Variants in ACSM2A observed in about 807,000 individuals in gnomAD.
The protein encoded by ACSM2A is acyl-coenzyme A synthetase ACSM2A, mitochondrial.
ACSM2A carries 72 observed loss-of-function variants against 76.6 expected under a neutral mutation model. The observed-to-expected ratio is 0.94, with a 90% confidence interval of 0.78 to 1.14. The LOEUF is 1.14. ACSM2A is among the 50% of genes most tolerant of loss of function. ACSM2A has a pLI of 0.00. For missense variants in ACSM2A, 684 were observed against 708.5 expected, an observed-to-expected ratio of 0.97 and a Z score of 0.39; for synonymous variants, 249 against 255.9, an observed-to-expected ratio of 0.97 and a Z score of 0.26.
rs973719188 is a variant in ACSM2A at position 20,487,625 on chromosome 16, A to G, written c.*947A>G. 11 of 152,346 alleles carry G rather than the reference A, an allele frequency of 7.2e-5. No homozygotes were observed. The highest frequency in any genetic ancestry group is 2.2e-4 in the African/African-American group (9 of 41,578). 9.4% of individuals were successfully genotyped at this position (152,346 alleles called of 1,614,324 possible). On this transcript the variant is annotated 3_prime_UTR_variant, in exon 14 of 14. Transcript: ENST00000573854. ...ACCCATATCTCATGTTTTTGATGTTATCTACTCTTCCTAGAATCAAATATT... is the reference window on the plus strand; with the variant it reads ...ACCCATATCTCATGTTTTTGATGTTGTCTACTCTTCCTAGAATCAAATATT...
At chr16:20,453,921 T>G (rs2011948997) in intron 1 of ACSM2A, 1 of 126,154 alleles carries the variant, frequency 7.9e-6, no homozygotes, top group Admixed American at 7.8e-5. Flanking sequence ...AGAGTGGTTC[T>G]CTGTTCTCAA....
chr16:20,476,271 T>G (rs1311082410), intron 8 of ACSM2A: 1 of 987,528 alleles, frequency 1.0e-6, no homozygotes, highest in East Asian at 1.1e-4. Context: ...TGAGGTCTCA[T>G]GTGCACAATG....
intron 3 of ACSM2A, among the ~76,000 whole-genome samples, chr16:20,469,216 G>A (rs1287097206): frequency 6.6e-6 from 1 of 152,078 alleles, no homozygotes; most frequent in Non-Finnish European, 1.5e-5. Context: ...TTTTTTTTGA[G>A]GGGTGAGAGT....
rs575920600 is a variant in ACSM2A at position 20,480,698 on chromosome 16, C to T, written c.1407C>T (p.Ser469=). The part of the protein sequence containing the change: ...MGRANDIINS[S]GYRIGPSEVE... ...GGGCAAATGATATCATTAACTCCAG[C>T]GGGTGAGCTTGGTTTCTGGGTTGGG... The change falls in exon 11 of 14, where the codon AGC becomes AGT. Residue 469 remains serine, a splice_region_variant and synonymous_variant. Transcript: ENST00000573854. The T allele has an allele frequency of 4.1e-5, 64 of 1,564,844 alleles. No individual in the cohort carries two copies. In the Middle Eastern group the frequency reaches 6.9e-4, roughly 17 times the overall value.
chr16:20,471,448 C>T, intron 5 of ACSM2A, 88 bp from the exon 6 acceptor site: 2 of 1,520,756 alleles, frequency 1.3e-6, no homozygotes, highest in South Asian at 2.6e-5. Context: ...TGCACACACA[C>T]CTCCCTTTCC....
At chr16:20,473,220 C>A (rs1384972576) in intron 6 of ACSM2A, among the ~76,000 whole-genome samples, 1 of 152,136 alleles carries the variant, frequency 6.6e-6, no homozygotes, top group East Asian at 1.9e-4. Flanking sequence ...CAGGTGTGAT[C>A]TGGATTTTCA....
intron 2 of ACSM2A, 27 bp downstream of exon 2, chr16:20,460,318 G>A (rs755647529): frequency 2.9e-5 from 46 of 1,612,406 alleles, no homozygotes; most frequent in Non-Finnish European, 2.2e-5. Flanking sequence ...GAGGCACAGA[G>A]TGAGACAATT....
At chr16:20,452,849 A>T (rs887264924) in intron 1 of ACSM2A, among the ~76,000 whole-genome samples, 3 of 151,822 alleles carry the variant, frequency 2.0e-5, no homozygotes, top group Non-Finnish European at 4.4e-5. Flanking sequence ...TATACAAAAT[A>T]AATGCATTTG....
intron 13 of ACSM2A, among the ~76,000 whole-genome samples, chr16:20,483,848 C>G (rs1323320101): frequency 6.6e-6 from 1 of 152,060 alleles, no homozygotes; most frequent in Non-Finnish European, 1.5e-5. Flanking sequence ...TTGAAAAGTC[C>G]AGGGGTGGGG....
At chr16:20,475,887 A>T in intron 8 of ACSM2A, 114 bp downstream of exon 8, 1 of 1,547,570 alleles carries the variant, frequency 6.5e-7, no homozygotes, top group South Asian at 1.3e-5. Context: ...AGAAGTATTT[A>T]TTGAGCCTCT....
intron 1 of ACSM2A, among the ~76,000 whole-genome samples, chr16:20,458,676 A>C (rs1596640896): frequency 7.1e-6 from 1 of 141,378 alleles, no homozygotes; most frequent in Admixed American, 7.4e-5. Flanking sequence ...TAATATATCT[A>C]TATATCTCTA....
At chr16:20,482,864 T>C in intron 12 of ACSM2A, 194 bp from the exon 13 acceptor site, 1 of 770,770 alleles carries the variant, frequency 1.3e-6, no homozygotes. Flanking sequence ...CACCTGCTCC[T>C]CCAATAAATG....
At chr16:20,480,187 A>C (rs2014001184) in intron 10 of ACSM2A, among the ~76,000 whole-genome samples, 1 of 152,212 alleles carries the variant, frequency 6.6e-6, no homozygotes, top group Non-Finnish European at 1.5e-5. Flanking sequence ...AATTTAACAA[A>C]GAAGCTAAGA....
chr16:20,486,387 G>A (rs1257646382), intron 13 of ACSM2A, among the ~76,000 whole-genome samples, 187 bp from the exon 14 acceptor site: 1 of 152,312 alleles, frequency 6.6e-6, no homozygotes, highest in South Asian at 2.1e-4. Context: ...AGACCTTTAT[G>A]CCCAATTCTA....
chr16:20,460,997 A>C (rs1281175106), intron 2 of ACSM2A, among the ~76,000 whole-genome samples: 2 of 129,726 alleles, frequency 1.5e-5, no homozygotes, highest in African/African-American at 6.3e-5. Flanking sequence ...AAAAAGATGA[A>C]GAAATTTCTG....
chr16:20,483,600 A>AAAAAAAT (rs2014229559), intron 13 of ACSM2A, among the ~76,000 whole-genome samples: 1 of 144,080 alleles, frequency 6.9e-6, no homozygotes, highest in Non-Finnish European at 1.5e-5. Flanking sequence ...AAAAAAAAAA[A>AAAAAAAT]AAGTCTTTCT....
intron 12 of ACSM2A, 148 bp from the exon 13 acceptor site, chr16:20,482,910 A>G: frequency 7.6e-7 from 1 of 1,307,372 alleles, no homozygotes. Flanking sequence ...TCATGTCCCC[A>G]GTTTTCTCCT....
At chr16:20,469,817 C>A in intron 4 of ACSM2A, 98 bp downstream of exon 4, 1 of 1,495,246 alleles carries the variant, frequency 6.7e-7, no homozygotes, top group Non-Finnish European at 9.1e-7. Flanking sequence ...GCAGAAAGAA[C>A]AGCATGGGAC....
intron 12 of ACSM2A, 200 bp downstream of exon 12, chr16:20,481,121 T>C: frequency 1.5e-6 from 1 of 656,096 alleles, no homozygotes; most frequent in Non-Finnish European, 2.6e-6. Flanking sequence ...GAGGGATTGT[T>C]ATGAGGGTTA....
Sources: gnomAD v4.1 joint callset for allele counts (sites outside exome capture counted in the v4.1 genomes callset) on GRCh38, gnomAD v4.1.1 for gene constraint, MANE v1.5 for transcripts, NCBI Gene and HGNC (gene_info 2026-07-23, HGNC 2026-07-21) for gene names.